GMDS: variants seen among roughly 807,000 people sequenced by gnomAD.
GMDS encodes GDP-mannose 4,6-dehydratase, also known as GDP-mannose 4,6 dehydratase.
Under a neutral mutation model 49.9 loss-of-function variants are expected in GMDS, and 20 were observed. The ratio of observed to expected loss-of-function variants is 0.40; its 90% CI spans 0.28 to 0.58. The LOEUF (loss-of-function observed/expected upper bound fraction) is 0.58. Ranked by LOEUF, GMDS falls within the 20% of genes least tolerant of loss-of-function variation. The probability of loss-of-function intolerance (pLI) is 0.42; values close to 1 mark genes in which losing one functional copy is unlikely to be tolerated. For synonymous variants in GMDS, 177 were observed against 178.6 expected, an observed-to-expected ratio of 0.99 and a Z score of 0.07; for missense variants, 362 against 481.4, an observed-to-expected ratio of 0.75 and a Z score of 2.32.
intron 7 of GMDS, among the ~76,000 whole-genome samples, chr6:1,897,790 A>G (rs1760277889): frequency 6.6e-6 from 1 of 152,248 alleles, no homozygotes; most frequent in Admixed American, 6.5e-5. Flanking sequence ...CGTACTCATT[A>G]ACCAACCTCT....
chr6:1,818,367 G>C (rs140323511), intron 7 of GMDS, among the ~76,000 whole-genome samples: 2 of 152,104 alleles, frequency 1.3e-5, no homozygotes, highest in Admixed American at 1.3e-4. Flanking sequence ...CAGCACTTTG[G>C]GAGGCCGAGG....
intron 4 of GMDS, among the ~76,000 whole-genome samples, chr6:2,026,500 A>G (rs1003987813): frequency 2.0e-5 from 3 of 152,240 alleles, no homozygotes; most frequent in Non-Finnish European, 4.4e-5. Context: ...TCTTAGCATG[A>G]TATTCAAAAC....
intron 7 of GMDS, among the ~76,000 whole-genome samples, chr6:1,774,724 A>T (rs1423770407): frequency 6.6e-6 from 1 of 151,878 alleles, no homozygotes; most frequent in Non-Finnish European, 1.5e-5. Flanking sequence ...GACTTCACCT[A>T]AAGGAACAGC....
intron 7 of GMDS, among the ~76,000 whole-genome samples, chr6:1,860,462 G>A (rs1196940232): frequency 6.6e-6 from 1 of 152,164 alleles, no homozygotes; most frequent in African/African-American, 2.4e-5. Context: ...TGGGGGCTGG[G>A]GAGAGAGAGG....
intron 7 of GMDS, among the ~76,000 whole-genome samples, chr6:1,782,671 A>G (rs1299999967): frequency 1.3e-5 from 2 of 152,228 alleles, no homozygotes; most frequent in Non-Finnish European, 2.9e-5. Context: ...AAAGGCAAAT[A>G]TTAGGAAGTT....
intron 4 of GMDS, among the ~76,000 whole-genome samples, chr6:2,075,521 C>T (rs1313713185): frequency 6.6e-6 from 1 of 152,136 alleles, no homozygotes; most frequent in Non-Finnish European, 1.5e-5. Flanking sequence ...GGTTTTTGTC[C>T]TTGCGAAAGT....
chr6:1,921,368 T>C (rs1175602691), intron 7 of GMDS, among the ~76,000 whole-genome samples: 1 of 152,222 alleles, frequency 6.6e-6, no homozygotes, highest in East Asian at 1.9e-4. Context: ...GTGTCTTTCA[T>C]TAAACAACAA....
chr6:2,013,009 G>A lies in GMDS; in HGVS notation c.346-52043C>T, dbSNP rs530892724. On this transcript the variant is annotated intron_variant, in intron 4 of 10. Transcript: ENST00000380815. ...GAAAAGCAGACACTCAACTCTGGCC[G>A]CATCTATCTGTCCTGTCTCCTTTGA... Among the ~76,000 whole-genome samples the A allele has an allele frequency of 7.9e-5, 12 of 152,184 alleles. No individual in the cohort carries two copies. The South Asian group carries it at 1.0e-3, about 13-fold the overall frequency.
At chr6:2,139,833 A>G (rs2127526830) in intron 1 of GMDS, among the ~76,000 whole-genome samples, 1 of 152,246 alleles carries the variant, frequency 6.6e-6, no homozygotes, top group African/African-American at 2.4e-5. Context: ...TATAAACCAA[A>G]CTACTTTGCA....
At chr6:1,819,994 A>G (rs1483499175) in intron 7 of GMDS, among the ~76,000 whole-genome samples, 1 of 151,844 alleles carries the variant, frequency 6.6e-6, no homozygotes, top group Non-Finnish European at 1.5e-5. Flanking sequence ...ACTCTACACA[A>G]TAACTACATA....
intron 7 of GMDS, among the ~76,000 whole-genome samples, chr6:1,864,285 T>C (rs1758338722): frequency 6.6e-6 from 1 of 152,210 alleles, no homozygotes; most frequent in African/African-American, 2.4e-5. Flanking sequence ...TTTTACATAA[T>C]GCAGCTCTTA....
intron 7 of GMDS, among the ~76,000 whole-genome samples, chr6:1,867,248 G>A (rs1417552300): frequency 6.6e-6 from 1 of 152,098 alleles, no homozygotes; most frequent in Non-Finnish European, 1.5e-5. Flanking sequence ...TGCTAATAGG[G>A]TCAACTAAGG....
At chr6:1,628,271 T>C (rs1561684237) in intron 9 of GMDS, among the ~76,000 whole-genome samples, 1 of 152,246 alleles carries the variant, frequency 6.6e-6, no homozygotes, top group Admixed American at 6.5e-5. Flanking sequence ...GAGACCATAG[T>C]GTGCCATTAT....
At chr6:1,955,183 A>G (rs1763563806) in intron 6 of GMDS, among the ~76,000 whole-genome samples, 1 of 152,174 alleles carries the variant, frequency 6.6e-6, no homozygotes, top group South Asian at 2.1e-4. Flanking sequence ...AAAATAACAT[A>G]TGCCTAAACT....
At chr6:2,103,405 G>A (rs556150371) in intron 4 of GMDS, among the ~76,000 whole-genome samples, 154 of 152,134 alleles carry the variant, frequency 1.0e-3, no homozygotes, top group Non-Finnish European at 1.9e-3. Context: ...TTTTAAGCAC[G>A]TTGTTATACA....
intron 4 of GMDS, among the ~76,000 whole-genome samples, chr6:1,987,449 C>A (rs753400445): frequency 6.6e-6 from 1 of 152,108 alleles, no homozygotes; most frequent in Non-Finnish European, 1.5e-5. Flanking sequence ...TATCACTTGA[C>A]AGTCGTATTT....
intron 1 of GMDS, among the ~76,000 whole-genome samples, chr6:2,202,302 CAG>C (rs1201805749): frequency 2.6e-5 from 4 of 150,964 alleles, no homozygotes; most frequent in African/African-American, 9.8e-5. Flanking sequence ...AGCATGTTAG[CAG>C]AGAGGCGAAG....
At chr6:2,184,034 A>G (rs1778670421) in intron 1 of GMDS, among the ~76,000 whole-genome samples, 1 of 152,192 alleles carries the variant, frequency 6.6e-6, no homozygotes, top group Non-Finnish European at 1.5e-5. Context: ...TAAGTTATAT[A>G]TAACTTACAT....
chr6:2,153,269 A>G (rs1776927209), intron 1 of GMDS, among the ~76,000 whole-genome samples: 1 of 152,218 alleles, frequency 6.6e-6, no homozygotes, highest in Non-Finnish European at 1.5e-5. Flanking sequence ...ACGCATTTAC[A>G]ACCCTAGACC....
Sources: gnomAD v4.1 joint callset for allele counts (sites outside exome capture counted in the v4.1 genomes callset) on GRCh38, gnomAD v4.1.1 for gene constraint, MANE v1.5 for transcripts, NCBI Gene and HGNC (gene_info 2026-07-23, HGNC 2026-07-21) for gene names.